The following PPP2R5E variants were observed in gnomAD, a reference collection of about 807,000 sequenced individuals.
The protein encoded by PPP2R5E is serine/threonine-protein phosphatase 2A 56 kDa regulatory subunit epsilon isoform.
In PPP2R5E, 4 loss-of-function variants were observed where a neutral mutation model predicts 65.3. That is an observed-to-expected ratio of 0.06 (90% CI 0.03 to 0.14). The LOEUF (loss-of-function observed/expected upper bound fraction) is 0.14. Among genes scored for constraint, PPP2R5E ranks in the 10% least tolerant of loss-of-function variants. The pLI, the probability that PPP2R5E is intolerant of heterozygous loss-of-function variation, is 1.00. For missense variants in PPP2R5E, 274 were observed against 556.1 expected, an observed-to-expected ratio of 0.49 and a Z score of 5.10; for synonymous variants, 183 against 187.4, an observed-to-expected ratio of 0.98 and a Z score of 0.19.
intron 6 of PPP2R5E, 83 bp downstream of exon 6, chr14:63,396,503 G>T: frequency 4.0e-6 from 6 of 1,515,332 alleles, no homozygotes; most frequent in Non-Finnish European, 5.4e-6. Context: ...TCAGTACACC[G>T]TTTTCAGATA....
intron 3 of PPP2R5E, among the ~76,000 whole-genome samples, chr14:63,435,602 C>G (rs1044303641): frequency 6.6e-6 from 1 of 152,166 alleles, no homozygotes; most frequent in Non-Finnish European, 1.5e-5. Context: ...CAACTCCCTG[C>G]TCGCCATCTA....
intron 2 of PPP2R5E, among the ~76,000 whole-genome samples, chr14:63,478,461 T>G (rs1890516875): frequency 6.6e-6 from 1 of 152,170 alleles, no homozygotes; most frequent in Non-Finnish European, 1.5e-5. Context: ...GTGAGAAAAG[T>G]GGCACCATTT....
At chr14:63,496,443 C>CAA (rs753525299) in intron 2 of PPP2R5E, among the ~76,000 whole-genome samples, 4,704 of 118,596 alleles carry the variant, frequency 0.04, 195 homozygotes, top group East Asian at 0.12. Context: ...GACTCTGTCT[C>CAA]AAAAAAAAAA....
chr14:63,478,131 A>G (rs1002952903), intron 2 of PPP2R5E, among the ~76,000 whole-genome samples: 15 of 152,186 alleles, frequency 9.9e-5, no homozygotes, highest in Non-Finnish European at 1.9e-4. Flanking sequence ...TATGATGTGG[A>G]TATCTATCCT....
At chr14:63,427,553 G>A (rs529780636) in intron 3 of PPP2R5E, among the ~76,000 whole-genome samples, 20 of 152,232 alleles carry the variant, frequency 1.3e-4, no homozygotes, top group Admixed American at 8.5e-4. Context: ...GCTAAGGCAG[G>A]AGGATCACTT....
intron 2 of PPP2R5E, among the ~76,000 whole-genome samples, chr14:63,516,150 A>G (rs1361476437): frequency 1.3e-5 from 2 of 152,174 alleles, no homozygotes; most frequent in Admixed American, 1.3e-4. Context: ...CACCCGGCAT[A>G]GCCACTTATT....
At position 63,440,948 on chromosome 14, in the gene PPP2R5E, C is replaced by CA. The variant is rs374563795; in HGVS notation, c.354+12740dup. On this transcript the variant is annotated intron_variant, in intron 3 of 13. Transcript: ENST00000337537. Reference sequence around the variant, plus strand: ...TGGGCAACAGAGCGAGACTCCATCTCAAAAAAAAAAAAAAAAAAAGAGTAT... The same window carrying CA: ...TGGGCAACAGAGCGAGACTCCATCTCAAAAAAAAAAAAAAAAAAAAGAGTAT... Among the ~76,000 whole-genome samples, 604 of 67,460 alleles carry CA rather than the reference C, an allele frequency of 9.0e-3. 11 individuals carry two copies. The highest frequency in any genetic ancestry group is 0.042 in the South Asian group (70 of 1,650). 44.3% of individuals were successfully genotyped at this position (67,460 alleles called of 152,430 possible). A position where few individuals can be genotyped will look rare whatever the true frequency, so the allele number is the denominator to read the frequency against.
At chr14:63,529,196 A>C (rs11847169) in intron 2 of PPP2R5E, among the ~76,000 whole-genome samples, 5 of 152,056 alleles carry the variant, frequency 3.3e-5, no homozygotes, top group African/African-American at 1.2e-4. Context: ...ACCTGGCCTC[A>C]GGAGATCCTC....
chr14:63,486,987 A>G (rs953259035), intron 2 of PPP2R5E, among the ~76,000 whole-genome samples: 1 of 152,200 alleles, frequency 6.6e-6, no homozygotes, highest in Non-Finnish European at 1.5e-5. Context: ...ATACAATTAT[A>G]TTTGCATCCC....
chr14:63,453,435 C>T (rs1305438898), intron 3 of PPP2R5E: 1 of 275,014 alleles, frequency 3.6e-6, no homozygotes, highest in Admixed American at 5.1e-5. Flanking sequence ...CCAGTAATAC[C>T]CTGGCAATCT....
At chr14:63,437,450 C>G (rs1172031375) in intron 3 of PPP2R5E, among the ~76,000 whole-genome samples, 1 of 152,202 alleles carries the variant, frequency 6.6e-6, no homozygotes, top group East Asian at 1.9e-4. Flanking sequence ...TTTCCGGTAA[C>G]ACAACTACTC....
chr14:63,420,690 A>G (rs987310903), intron 4 of PPP2R5E, among the ~76,000 whole-genome samples: 1 of 152,202 alleles, frequency 6.6e-6, no homozygotes, highest in Non-Finnish European at 1.5e-5. Flanking sequence ...ATTCTGAAGT[A>G]GGGGGGAAAA....
At chr14:63,500,129 G>A (rs1253643326) in intron 2 of PPP2R5E, among the ~76,000 whole-genome samples, 1 of 152,130 alleles carries the variant, frequency 6.6e-6, no homozygotes, top group Non-Finnish European at 1.5e-5. Flanking sequence ...TATGTTTTGG[G>A]CACTATGAAT....
chr14:63,425,288 G>A (rs987842712), intron 3 of PPP2R5E, among the ~76,000 whole-genome samples: 1 of 152,194 alleles, frequency 6.6e-6, no homozygotes, highest in East Asian at 1.9e-4. Flanking sequence ...AGAAATAAAT[G>A]ACTTTTCAGA....
intron 5 of PPP2R5E, among the ~76,000 whole-genome samples, chr14:63,397,234 A>T (rs1331318967): frequency 6.6e-6 from 1 of 152,138 alleles, no homozygotes; most frequent in Non-Finnish European, 1.5e-5. Context: ...GCCTGTGGTG[A>T]CTCATGCCTG....
At chr14:63,443,801 C>T (rs145527420) in intron 3 of PPP2R5E, among the ~76,000 whole-genome samples, 47 of 152,246 alleles carry the variant, frequency 3.1e-4, no homozygotes, top group African/African-American at 1.1e-3. Flanking sequence ...CAAAGCTATC[C>T]GAGACTCCTT....
intron 3 of PPP2R5E, among the ~76,000 whole-genome samples, chr14:63,438,704 A>G (rs1012956174): frequency 6.6e-6 from 1 of 152,234 alleles, no homozygotes; most frequent in Admixed American, 6.5e-5. Context: ...CAGAAGGACT[A>G]CAGCTTGTAA....
At chr14:63,386,786 T>C (rs113307051) in intron 11 of PPP2R5E, among the ~76,000 whole-genome samples, 3,942 of 152,098 alleles carry the variant, frequency 0.026, 185 homozygotes, top group African/African-American at 0.091. Context: ...TAGCTGGGCA[T>C]GGTGGGGCAT....
chr14:63,430,405 A>ACATACATACATG (rs1389684153), intron 3 of PPP2R5E, among the ~76,000 whole-genome samples: 7 of 144,072 alleles, frequency 4.9e-5, no homozygotes, highest in African/African-American at 1.7e-4. Flanking sequence ...ATACATGCAT[A>ACATACATACATG]CATACATACA....
Sources: allele counts gnomAD v4.1 joint callset (sites outside exome capture counted in the v4.1 genomes callset), GRCh38; gene constraint gnomAD v4.1.1; transcripts MANE v1.5; gene names NCBI Gene and HGNC (gene_info 2026-07-23, HGNC 2026-07-21).